Variants in RCHY1 observed in about 807,000 individuals in gnomAD.
The protein encoded by RCHY1 is RING finger and CHY zinc finger domain-containing protein 1.
A neutral mutation model predicts 41.6 loss-of-function variants in RCHY1; 21 were observed. The ratio of observed to expected loss-of-function variants is 0.51; its 90% CI spans 0.36 to 0.73. RCHY1 has a LOEUF of 0.73. Ranked by LOEUF, RCHY1 falls within the 30% of genes least tolerant of loss-of-function variation. The pLI, the probability that RCHY1 is intolerant of heterozygous loss-of-function variation, is 0.00. For missense variants in RCHY1, 265 were observed against 325.3 expected, an observed-to-expected ratio of 0.81 and a Z score of 1.43; for synonymous variants, 79 against 102.9, an observed-to-expected ratio of 0.77 and a Z score of 1.41.
At position 75,479,418 on chromosome 4, in the gene RCHY1, A is replaced by G. The variant is rs767575059; in HGVS notation, c.*3120T>C. The G allele has an allele frequency of 6.6e-6, 1 of 152,080 alleles. No homozygotes were observed. Among genetic ancestry groups the G allele is most frequent in the Admixed American group, 6.6e-5 (1 of 15,262 alleles). 9.4% of individuals were successfully genotyped at this position (152,080 alleles called of 1,614,324 possible). ...ATGTTGGCTCTTTAGTACTTAGTAA[A>G]TTTATTTTGATGCATGACCAAAATA... On this transcript the variant is annotated 3_prime_UTR_variant, in exon 9 of 9. Transcript: ENST00000324439.
Position 75,490,719 on chromosome 4 carries a change from G to A in RCHY1, c.537-18C>T, listed in dbSNP as rs776254600. On this transcript the variant is annotated intron_variant, in intron 7 of 8. Transcript: ENST00000324439. ...TGTAGCCTCTGAAAGAGATAGAAAG[G>A]TTATTTTCCAAATATTAAACAAGAA... The A allele has an allele frequency of 1.3e-6, 2 of 1,585,222 alleles. 1 individual carries two copies. The highest frequency in any genetic ancestry group is 2.3e-5 in the South Asian group (2 of 88,188).
chr4:75,498,443 A>C (rs1723425843), intron 3 of RCHY1, among the ~76,000 whole-genome samples: 1 of 149,770 alleles, frequency 6.7e-6, no homozygotes, highest in African/African-American at 2.5e-5. Context: ...ATTTATATGG[A>C]GCCACAAAAG....
At position 75,509,215 on chromosome 4, in the gene RCHY1, T is replaced by C. The variant is rs1441879853; in HGVS notation, c.172A>G (p.Lys58Glu). Reference sequence around the variant, plus strand: ...TCACAGTTTATGCACTGCACTTCCTTCACTTTAAAGCGATCTAGTTGATGA... The same window carrying C: ...TCACAGTTTATGCACTGCACTTCCTCCACTTTAAAGCGATCTAGTTGATGA... Reference protein sequence around the residue: ...EDHQLDRFKVKEVQCINCEKI... With the variant: ...EDHQLDRFKVEEVQCINCEKI... Residue 58 changes from lysine (K) to glutamate (E), a missense_variant, in exon 2 of 9, where the codon AAG (lysine) becomes GAG (glutamate). Coordinates refer to ENST00000324439, the MANE Select transcript of RCHY1 (RefSeq NM_015436.4). 2.5e-6 allele frequency: 4 copies of C among 1,613,104 alleles called. No individual in the cohort carries two copies. Among genetic ancestry groups the C allele is most frequent in the Non-Finnish European group, 3.4e-6 (4 of 1,179,510 alleles).
intron 8 of RCHY1, among the ~76,000 whole-genome samples, 197 bp downstream of exon 8, chr4:75,490,384 C>T (rs1722635559): frequency 6.6e-6 from 1 of 151,820 alleles, no homozygotes; most frequent in African/African-American, 2.4e-5. Flanking sequence ...TAAAGGTATT[C>T]TTAAGACTTT....
At chr4:75,507,123 A>C (rs557379481) in intron 3 of RCHY1, among the ~76,000 whole-genome samples, 71 of 152,224 alleles carry the variant, frequency 4.7e-4, no homozygotes, top group Admixed American at 1.7e-3. Context: ...ACCTCACTAA[A>C]AGAAACACTA....
At chr4:75,510,637 ATGGTT>A (rs1724773112) in intron 1 of RCHY1, among the ~76,000 whole-genome samples, 1 of 152,190 alleles carries the variant, frequency 6.6e-6, no homozygotes, top group African/African-American at 2.4e-5. Flanking sequence ...TAGTTCTCAA[ATGGTT>A]TGGTCTCAGG....
At chr4:75,485,747 T>C (rs936131388) in intron 8 of RCHY1, among the ~76,000 whole-genome samples, 9 of 152,212 alleles carry the variant, frequency 5.9e-5, no homozygotes, top group Non-Finnish European at 1.0e-4. Context: ...GAATGGTGAA[T>C]AGAAAAACTA....
At chr4:75,493,032 G>C (rs1349154975) in intron 4 of RCHY1, among the ~76,000 whole-genome samples, 1 of 151,968 alleles carries the variant, frequency 6.6e-6, no homozygotes, top group African/African-American at 2.4e-5. Context: ...AGGATGCAAT[G>C]AATTAGTGTG....
intron 3 of RCHY1, among the ~76,000 whole-genome samples, chr4:75,499,253 T>C (rs183659631): frequency 6.6e-6 from 1 of 152,272 alleles, no homozygotes; most frequent in East Asian, 1.9e-4. Flanking sequence ...GAATGGCTTA[T>C]ATCATAAAAG....
intron 8 of RCHY1, among the ~76,000 whole-genome samples, chr4:75,487,894 T>TA (rs1251225544): frequency 7.9e-5 from 8 of 100,706 alleles, no homozygotes; most frequent in Non-Finnish European, 1.2e-4. Flanking sequence ...TATATATTCA[T>TA]ATATATATTC....
rs950224567 is a variant in RCHY1, at chr4:75,479,237, CAT to C, written c.*3299_*3300del. 6.6e-5 allele frequency: 10 copies of C among 151,692 alleles called. No individual in the cohort carries two copies. The highest frequency in any genetic ancestry group is 2.6e-4 in the Admixed American group (4 of 15,224). The allele number at this position is 151,692 out of a possible 1,614,324, so 9.4% of individuals were successfully genotyped here. A position where few individuals can be genotyped will look rare whatever the true frequency, so the allele number is the denominator to read the frequency against. On this transcript the variant is annotated 3_prime_UTR_variant, in exon 9 of 9. Coordinates refer to ENST00000324439, the MANE Select transcript of RCHY1 (RefSeq NM_015436.4). ...TATATCAAAACATCACATTGTACTC[CAT>C]ATATATAATATACACAATTATCAAT...
At chr4:75,510,204 T>C (rs1203868112) in intron 1 of RCHY1, among the ~76,000 whole-genome samples, 2 of 152,176 alleles carry the variant, frequency 1.3e-5, no homozygotes, top group Non-Finnish European at 1.5e-5. Context: ...ATCAGACAGA[T>C]GGCCACATGC....
intron 8 of RCHY1, among the ~76,000 whole-genome samples, chr4:75,483,592 A>G (rs1176623164): frequency 6.6e-6 from 1 of 152,162 alleles, no homozygotes; most frequent in Admixed American, 6.6e-5. Context: ...TAATATGTGA[A>G]TTGTATCTTA....
rs558735076 is a variant in RCHY1 at position 75,489,999 on chromosome 4, T to C, written c.657+582A>G. On this transcript the variant is annotated intron_variant, in intron 8 of 8. Transcript: ENST00000324439. ...TCCCCAGAAGCAAGCAGCATTTTAG[T>C]GTGGACAGTTTTTTCCCAAGATCAT... Among the ~76,000 whole-genome samples, 10 of 152,290 alleles carry C rather than the reference T, an allele frequency of 6.6e-5. No individual in the cohort carries two copies. In the South Asian group the frequency reaches 2.1e-3, roughly 32 times the overall value.
rs1233058316 is a variant in RCHY1 at position 75,481,271 on chromosome 4, T to G, written c.*1267A>C. 1 of 152,240 alleles carries G rather than the reference T, an allele frequency of 6.6e-6. No homozygotes were observed. Among genetic ancestry groups the G allele is most frequent in the Non-Finnish European group, 1.5e-5 (1 of 68,042 alleles). 9.4% of individuals were successfully genotyped at this position (152,240 alleles called of 1,614,324 possible). On this transcript the variant is annotated 3_prime_UTR_variant, in exon 9 of 9. Transcript: ENST00000324439. ...CTCTTAGGCTTTCTAGTTAAAAGGC[T>G]AACTTCCTTATTCAAAGAAGATTCA... is the stretch of plus-strand genomic sequence containing the variant.
chr4:75,506,939 G>A (rs1306460768), intron 3 of RCHY1, among the ~76,000 whole-genome samples: 1 of 152,020 alleles, frequency 6.6e-6, no homozygotes, highest in African/African-American at 2.4e-5. Context: ...CCTGAGAAAT[G>A]ATATTTTTAA....
At chr4:75,505,960 A>G (rs1328692022) in intron 3 of RCHY1, among the ~76,000 whole-genome samples, 1 of 151,994 alleles carries the variant, frequency 6.6e-6, no homozygotes, top group Non-Finnish European at 1.5e-5. Context: ...AACTAAGTAA[A>G]CCCTCTGAAA....
rs1560508487 is a variant in RCHY1 at position 75,482,588 on chromosome 4, AG to A, written c.735del (p.Tyr246IlefsTer31). ...ILGMKCKICE[S>X]YNTAQAGGRR... ...CGTCCTCCAGCTTGAGCAGTATTATAGGATTCACAAATCTTACATTTCATGC... is the reference window on the plus strand; with the variant it reads ...CGTCCTCCAGCTTGAGCAGTATTATAGATTCACAAATCTTACATTTCATGC... On this transcript the variant is annotated frameshift_variant, in exon 9 of 9. Transcript: ENST00000324439. LOFTEE classifies it high-confidence loss of function. 1 of 1,612,880 alleles carries A rather than the reference AG, an allele frequency of 6.2e-7. No individual in the cohort carries two copies. The highest frequency in any genetic ancestry group is 8.5e-7 in the Non-Finnish European group (1 of 1,179,176).
intron 7 of RCHY1, 49 bp downstream of exon 7, chr4:75,491,562 C>CA (rs1461936703): frequency 1.3e-6 from 2 of 1,556,900 alleles, no homozygotes; most frequent in Non-Finnish European, 1.8e-6. Flanking sequence ...ACCACACACA[C>CA]AAAAAAGTCA....
Sources: allele counts gnomAD v4.1 joint callset (sites outside exome capture counted in the v4.1 genomes callset), GRCh38; gene constraint gnomAD v4.1.1; transcripts MANE v1.5; gene names NCBI Gene and HGNC (gene_info 2026-07-23, HGNC 2026-07-21).